SCN11A: variants seen among roughly 807,000 people sequenced by gnomAD.
SCN11A encodes the protein sodium voltage-gated channel alpha subunit 11.
SCN11A carries 122 observed loss-of-function variants against 162.2 expected under a neutral mutation model. The ratio of observed to expected loss-of-function variants is 0.75; its 90% CI spans 0.65 to 0.87. SCN11A has a LOEUF of 0.87. Ranked by LOEUF, SCN11A falls within the 40% of genes least tolerant of loss-of-function variation. The pLI is 0.00. For synonymous variants in SCN11A, 758 were observed against 751.5 expected (o/e 1.01, Z -0.14); for missense variants, 2,015 against 2,181.6 (o/e 0.92, Z 1.52).
At chr3:38,879,832 C>T (rs1297326100) in intron 23 of SCN11A, 118 bp downstream of exon 23, 2 of 761,906 alleles carry the variant, frequency 2.6e-6, no homozygotes, top group African/African-American at 3.6e-5. Context: ...GCAATGATAA[C>T]AAGAAAAACT....
At chr3:38,959,735 A>T (rs1490836148) in intron 3 of SCN11A, among the ~76,000 whole-genome samples, 1 of 152,206 alleles carries the variant, frequency 6.6e-6, no homozygotes, top group Non-Finnish European at 1.5e-5. Context: ...GTAAGTTACA[A>T]AAAAAAGATA....
chr3:38,934,140 G>A (rs899795738), intron 7 of SCN11A, among the ~76,000 whole-genome samples: 1 of 152,192 alleles, frequency 6.6e-6, no homozygotes, highest in Non-Finnish European at 1.5e-5. Context: ...CATAAGTGAA[G>A]GAGAAATAAA....
chr3:38,878,073 A>T (rs2065248983), intron 23 of SCN11A, among the ~76,000 whole-genome samples: 1 of 151,762 alleles, frequency 6.6e-6, no homozygotes, highest in Non-Finnish European at 1.5e-5. Context: ...GTGTACACTG[A>T]TCGGGCGATG....
chr3:38,959,977 C>A (rs2066723816), intron 3 of SCN11A, among the ~76,000 whole-genome samples: 1 of 152,084 alleles, frequency 6.6e-6, no homozygotes, highest in Admixed American at 6.6e-5. Flanking sequence ...TTGAGATGAC[C>A]TTTTCTAGCA....
intron 20 of SCN11A, 98 bp downstream of exon 20, chr3:38,886,027 T>TTC: frequency 1.3e-6 from 1 of 761,638 alleles, no homozygotes; most frequent in East Asian, 2.5e-5. Flanking sequence ...TCTTGCAATT[T>TTC]TCTCTGCATT....
At chr3:38,872,738 T>C (rs914026604) in intron 23 of SCN11A, among the ~76,000 whole-genome samples, 4 of 152,116 alleles carry the variant, frequency 2.6e-5, no homozygotes, top group African/African-American at 7.2e-5. Context: ...TTGTCCTTGA[T>C]AGGAAATATA....
intron 9 of SCN11A, among the ~76,000 whole-genome samples, chr3:38,924,033 A>C (rs564062978): frequency 1.3e-4 from 20 of 152,224 alleles, no homozygotes; most frequent in African/African-American, 4.3e-4. Flanking sequence ...GGCAGGCATG[A>C]TCTTGGCATG....
At chr3:39,022,783 A>G (rs1472043291) in intron 2 of SCN11A, among the ~76,000 whole-genome samples, 1 of 152,120 alleles carries the variant, frequency 6.6e-6, no homozygotes, top group East Asian at 1.9e-4. Context: ...TGGGAGGCTG[A>G]GGCAAGAAGA....
chr3:39,045,094 C>T (rs1336641010), intron 1 of SCN11A, among the ~76,000 whole-genome samples: 7 of 152,106 alleles, frequency 4.6e-5, no homozygotes, highest in African/African-American at 7.2e-5. Flanking sequence ...AAAATTGGAT[C>T]GGGAAGAAAT....
At chr3:38,976,030 T>G (rs180761943) in intron 2 of SCN11A, among the ~76,000 whole-genome samples, 1 of 152,310 alleles carries the variant, frequency 6.6e-6, no homozygotes, top group African/African-American at 2.4e-5. Context: ...GTTTAGAATT[T>G]TTTTAACCAT....
intron 7 of SCN11A, among the ~76,000 whole-genome samples, chr3:38,934,443 A>T (rs1183631207): frequency 6.6e-6 from 1 of 152,242 alleles, no homozygotes; most frequent in Non-Finnish European, 1.5e-5. Flanking sequence ...TTGGATAAAG[A>T]GTCAAGACCC....
intron 3 of SCN11A, among the ~76,000 whole-genome samples, chr3:38,956,948 T>G (rs2066689260): frequency 6.6e-6 from 1 of 152,120 alleles, no homozygotes; most frequent in East Asian, 1.9e-4. Context: ...AACCAAATTT[T>G]AAATACAGAT....
chr3:38,870,245 T>C (rs918268647), intron 26 of SCN11A, among the ~76,000 whole-genome samples: 46 of 152,204 alleles, frequency 3.0e-4, no homozygotes, highest in African/African-American at 9.7e-4. Flanking sequence ...ATTCAACAGT[T>C]GGCCATCACT....
chr3:38,996,792 C>G lies in SCN11A; in HGVS notation c.-280+35588G>C, dbSNP rs944792453. ...GGTTTCTCCCATCAAGAAGGAGAGT[C>G]AACTGGACATGGTGGTGCATGCCTG... On this transcript the variant is annotated intron_variant, in intron 2 of 29. Transcript: ENST00000302328. Among the ~76,000 whole-genome samples the G allele has an allele frequency of 1.2e-4, 18 of 152,268 alleles. 1 individual carries two copies. Among genetic ancestry groups the G allele is most frequent in the Admixed American group, 1.2e-3 (18 of 15,298 alleles).
intron 11 of SCN11A, among the ~76,000 whole-genome samples, chr3:38,912,665 GTTCTT>G (rs903780148): frequency 3.3e-5 from 5 of 152,042 alleles, no homozygotes; most frequent in Middle Eastern, 3.4e-3. Context: ...AGTAGCTGTT[GTTCTT>G]TTCTATGTCC....
chr3:38,876,122 A>C (rs2065203072), intron 23 of SCN11A, among the ~76,000 whole-genome samples: 1 of 152,146 alleles, frequency 6.6e-6, no homozygotes, highest in Admixed American at 6.5e-5. Flanking sequence ...AGAGCACCCT[A>C]TTCAACAAAT....
rs1457126745 is a variant in SCN11A at position 38,872,293 on chromosome 3, A to C, written c.3395T>G (p.Val1132Gly). ...TAAGTTAATGAGGGTGGTCACAGAG[A>C]CCTGATGGGAAGAGAGGCCACAGAT... ...WCCLDFIIVI[V>G]SVTTLINLME... The change falls in exon 24 of 30, where the codon GTC (valine) becomes GGC (glycine). Residue 1132 changes from valine (V) to glycine (G), a missense_variant and splice_region_variant. Physicochemically the swap from Val to Gly is moderately radical, Grantham distance 109 (BLOSUM62 -3). Coordinates refer to ENST00000302328, the MANE Select transcript of SCN11A (RefSeq NM_001349253.2). The C allele has an allele frequency of 6.4e-7, 1 of 1,560,726 alleles. No homozygotes were observed.
At chr3:39,011,757 C>T (rs534598905) in intron 2 of SCN11A, among the ~76,000 whole-genome samples, 9 of 152,090 alleles carry the variant, frequency 5.9e-5, no homozygotes, top group Non-Finnish European at 1.3e-4. Context: ...TTGGGGGCGG[C>T]GGGTTCCTAA....
At chr3:38,990,908 G>A (rs935942865) in intron 2 of SCN11A, among the ~76,000 whole-genome samples, 3 of 152,016 alleles carry the variant, frequency 2.0e-5, no homozygotes, top group African/African-American at 7.2e-5. Context: ...GAGAAGGAAG[G>A]GAAGTACCTT....
Sources: gnomAD v4.1 joint callset for allele counts (sites outside exome capture counted in the v4.1 genomes callset) on GRCh38, gnomAD v4.1.1 for gene constraint, MANE v1.5 for transcripts, NCBI Gene and HGNC (gene_info 2026-07-23, HGNC 2026-07-21) for gene names.